Variants in MYO3B observed in about 807,000 individuals in gnomAD.
MYO3B encodes the protein myosin IIIB, also known as myosin-IIIb.
In MYO3B, 156 loss-of-function variants were observed where a neutral mutation model predicts 174.6. The ratio of observed to expected loss-of-function variants is 0.89; its 90% CI spans 0.78 to 1.02. The LOEUF is 1.02. Among genes scored for constraint, MYO3B ranks in the 50% least tolerant of loss-of-function variants. MYO3B has a pLI of 0.00. For synonymous variants in MYO3B, 563 were observed against 569.1 expected (o/e 0.99, Z 0.15); for missense variants, 1,632 against 1,639.4 (o/e 1.00, Z 0.08).
At chr2:170,308,353 T>C (rs866091315) in intron 7 of MYO3B, among the ~76,000 whole-genome samples, 1 of 152,214 alleles carries the variant, frequency 6.6e-6, no homozygotes, top group Non-Finnish European at 1.5e-5. Context: ...GTAATTATTT[T>C]TGTAGCCATG....
intron 32 of MYO3B, among the ~76,000 whole-genome samples, chr2:170,633,094 A>G (rs989212570): frequency 4.8e-4 from 73 of 152,336 alleles, no homozygotes; most frequent in African/African-American, 1.7e-3. Context: ...CAATAGAAAA[A>G]GAGGGAATCC....
intron 3 of MYO3B, among the ~76,000 whole-genome samples, chr2:170,202,781 C>T (rs1353845346): frequency 6.6e-6 from 1 of 152,024 alleles, no homozygotes; most frequent in African/African-American, 2.4e-5. Flanking sequence ...GGGACTCACA[C>T]AAAAAAATTA....
At chr2:170,431,318 C>A (rs1433601823) in intron 22 of MYO3B, among the ~76,000 whole-genome samples, 5 of 152,162 alleles carry the variant, frequency 3.3e-5, no homozygotes, top group Admixed American at 6.5e-5. Context: ...CAATAAAATG[C>A]AGAAAACAGA....
At chr2:170,614,013 C>T (rs757559627) in intron 32 of MYO3B, among the ~76,000 whole-genome samples, 20 of 152,020 alleles carry the variant, frequency 1.3e-4, no homozygotes, top group East Asian at 5.8e-4. Context: ...ATACAAGTCC[C>T]GAACAAGCTC....
At chr2:170,590,161 C>T (rs1693733842) in intron 32 of MYO3B, among the ~76,000 whole-genome samples, 1 of 152,112 alleles carries the variant, frequency 6.6e-6, no homozygotes, top group African/African-American at 2.4e-5. Context: ...GTGATATATG[C>T]CTGTATATAC....
At chr2:170,533,219 G>T (rs1285485241) in intron 30 of MYO3B, among the ~76,000 whole-genome samples, 1 of 152,046 alleles carries the variant, frequency 6.6e-6, no homozygotes, top group Non-Finnish European at 1.5e-5. Flanking sequence ...ACACAATCTT[G>T]TTTAGGCTTT....
At chr2:170,258,507 G>A (rs566031631) in intron 7 of MYO3B, among the ~76,000 whole-genome samples, 2 of 151,940 alleles carry the variant, frequency 1.3e-5, no homozygotes, top group Admixed American at 6.6e-5. Flanking sequence ...GATAAAATCC[G>A]ATATTCAGTT....
chr2:170,457,231 A>C (rs571791377), intron 23 of MYO3B, among the ~76,000 whole-genome samples: 6 of 152,372 alleles, frequency 3.9e-5, no homozygotes, highest in Non-Finnish European at 8.8e-5. Context: ...ATGTACACTT[A>C]GGCTATACTG....
At chr2:170,178,322 TCTG>T in intron 1 of MYO3B, 33 bp downstream of exon 1, 1 of 1,614,086 alleles carries the variant, frequency 6.2e-7, no homozygotes, top group Non-Finnish European at 8.5e-7. Flanking sequence ...CCAGCTTTCT[TCTG>T]TGCTTGCTTT....
chr2:170,304,536 C>G (rs1244674625), intron 7 of MYO3B, among the ~76,000 whole-genome samples: 1 of 150,106 alleles, frequency 6.7e-6, no homozygotes, highest in Non-Finnish European at 1.5e-5. Flanking sequence ...GTGACCTCAG[C>G]TCACTGCAAC....
intron 25 of MYO3B, among the ~76,000 whole-genome samples, chr2:170,491,478 T>G (rs1051922731): frequency 6.6e-6 from 1 of 152,032 alleles, no homozygotes; most frequent in Non-Finnish European, 1.5e-5. Flanking sequence ...CAGGCTGGAG[T>G]GCAGTGGCGC....
chr2:170,255,641 A>C (rs2093298386), intron 7 of MYO3B, among the ~76,000 whole-genome samples: 1 of 152,140 alleles, frequency 6.6e-6, no homozygotes, highest in African/African-American at 2.4e-5. Context: ...GGAAAAAAAA[A>C]CCCAGAACCC....
In MYO3B at chr2:170,404,346, G is replaced by A; in HGVS notation, c.2377G>A (p.Ala793Thr). The change falls in exon 20 of 35, where the codon GCA becomes ACA. Residue 793 changes from alanine to threonine, a missense_variant. Physicochemically the swap from Ala to Thr is moderately conservative, Grantham distance 58. Coordinates refer to ENST00000408978, the MANE Select transcript of MYO3B (RefSeq NM_138995.5). The part of the protein sequence containing the change: ...MFLQKPLGLL[A>T]LLDEESRFPQ... ...CCTCCAGAAACCCCTGGGACTGCTTGCACTTTTGGATGAGGAAAGTCGGTT... is the reference window on the plus strand; with the variant it reads ...CCTCCAGAAACCCCTGGGACTGCTTACACTTTTGGATGAGGAAAGTCGGTT... The A allele has an allele frequency of 3.7e-6, 6 of 1,613,872 alleles. No individual in the cohort carries two copies. The highest frequency in any genetic ancestry group is 5.1e-6 in the Non-Finnish European group (6 of 1,179,914).
At position 170,403,000 on chromosome 2, in the gene MYO3B, T is replaced by C. The variant is rs774319142; in HGVS notation, c.2277+5T>C. ...CATGTTTTTGCTCTTGAGCAGGTAA[T>C]AGTGAACTCTGAGGTAACTAAACTT... On this transcript the variant is annotated splice_donor_5th_base_variant and intron_variant, in intron 19 of 34. Transcript: ENST00000408978. 51 of 1,583,192 alleles carry C rather than the reference T, an allele frequency of 3.2e-5. No individual in the cohort carries two copies. Among genetic ancestry groups the C allele is most frequent in the Non-Finnish European group, 4.2e-5 (49 of 1,157,220 alleles).
intron 7 of MYO3B, among the ~76,000 whole-genome samples, chr2:170,281,223 A>G (rs1221978722): frequency 6.6e-6 from 1 of 151,996 alleles, no homozygotes; most frequent in Non-Finnish European, 1.5e-5. Flanking sequence ...CAGGTATTTT[A>G]TTCTTTTTGT....
chr2:170,324,138 T>G (rs1311489969), intron 7 of MYO3B, among the ~76,000 whole-genome samples: 1 of 152,178 alleles, frequency 6.6e-6, no homozygotes, highest in Non-Finnish European at 1.5e-5. Context: ...CCATGCCACC[T>G]GACTCTTCAC....
chr2:170,530,862 A>G (rs1021806654), intron 30 of MYO3B, among the ~76,000 whole-genome samples: 18 of 152,180 alleles, frequency 1.2e-4, no homozygotes, highest in Admixed American at 6.5e-5. Flanking sequence ...CAGAAGAAAG[A>G]TTTAGTATAT....
chr2:170,453,790 T>C (rs1683754004), intron 23 of MYO3B, among the ~76,000 whole-genome samples: 1 of 152,154 alleles, frequency 6.6e-6, no homozygotes, highest in African/African-American at 2.4e-5. Flanking sequence ...AAACAGACAC[T>C]AGTCACCTCA....
rs146991269 is a variant in MYO3B, at chr2:170,248,089, A to G, written c.749+11953A>G. On this transcript the variant is annotated intron_variant, in intron 7 of 34. Coordinates refer to ENST00000408978, the MANE Select transcript of MYO3B (RefSeq NM_138995.5). ...TCTTTCTGTGCCACCTGTTGTTTGG[A>G]CTGGAAGCTCTTGTGTTCATGCTGC... Among the ~76,000 whole-genome samples the G allele has an allele frequency of 7.9e-5, 12 of 152,012 alleles. No homozygotes were observed. In the East Asian group the frequency reaches 2.3e-3, roughly 29 times the overall value.
Sources: gnomAD v4.1 joint callset for allele counts (sites outside exome capture counted in the v4.1 genomes callset) on GRCh38, gnomAD v4.1.1 for gene constraint, MANE v1.5 for transcripts, NCBI Gene and HGNC (gene_info 2026-07-23, HGNC 2026-07-21) for gene names.